NARS2: variants seen among roughly 807,000 people sequenced by gnomAD.
The protein encoded by NARS2 is asparaginyl-tRNA synthetase.
In NARS2, 60 loss-of-function variants were observed where a neutral mutation model predicts 62.9. The ratio of observed to expected loss-of-function variants is 0.95; its 90% CI spans 0.77 to 1.18. The LOEUF (loss-of-function observed/expected upper bound fraction) is 1.18, where lower values mean the gene tolerates loss of function less well. NARS2 is among the 50% of genes most tolerant of loss of function. The pLI, the probability that NARS2 is intolerant of heterozygous loss-of-function variation, is 0.00. For missense variants in NARS2, 619 were observed against 576.4 expected (o/e 1.07, Z -0.76); for synonymous variants, 196 against 200.0 (o/e 0.98, Z 0.17).
At chr11:78,537,048 C>T (rs1328605970) in intron 5 of NARS2, among the ~76,000 whole-genome samples, 1 of 152,124 alleles carries the variant, frequency 6.6e-6, no homozygotes, top group Non-Finnish European at 1.5e-5. Flanking sequence ...GAACAAGAGA[C>T]TAGACCATAC....
At chr11:78,559,954 C>T (rs1856501353) in intron 4 of NARS2, among the ~76,000 whole-genome samples, 1 of 152,212 alleles carries the variant, frequency 6.6e-6, no homozygotes, top group African/African-American at 2.4e-5. Context: ...GGTCTTCATG[C>T]TCTCTCTTTA....
chr11:78,449,531 A>G (rs1161779579), intron 11 of NARS2, among the ~76,000 whole-genome samples: 1 of 152,060 alleles, frequency 6.6e-6, no homozygotes, highest in Non-Finnish European at 1.5e-5. Context: ...TTTCCAGTGT[A>G]CCTAACTGGT....
At chr11:78,465,388 GC>G (rs2135211339) in intron 11 of NARS2, among the ~76,000 whole-genome samples, 1 of 152,376 alleles carries the variant, frequency 6.6e-6, no homozygotes, top group South Asian at 2.1e-4. Context: ...CTCAAGTGCC[GC>G]CAAAGTGGGC....
chr11:78,568,893 G>A, intron 2 of NARS2, 141 bp from the exon 3 acceptor site: 1 of 596,356 alleles, frequency 1.7e-6, no homozygotes, highest in Non-Finnish European at 2.8e-6. Flanking sequence ...CAGAATCTAT[G>A]GATAATCTGT....
chr11:78,463,643 G>A (rs997609905), intron 11 of NARS2, among the ~76,000 whole-genome samples: 2 of 130,716 alleles, frequency 1.5e-5, no homozygotes, highest in African/African-American at 5.7e-5. Context: ...CTGAGATCAC[G>A]CCATTGCACC....
chr11:78,457,797 A>AACACACACAC (rs10556136), intron 11 of NARS2, among the ~76,000 whole-genome samples: 1 of 148,434 alleles, frequency 6.7e-6, no homozygotes, highest in African/African-American at 2.5e-5. Flanking sequence ...ATTATGTAAC[A>AACACACACAC]ACACACACAC....
intron 11 of NARS2, among the ~76,000 whole-genome samples, chr11:78,448,244 G>A (rs1311926363): frequency 6.6e-6 from 1 of 151,350 alleles, no homozygotes; most frequent in Non-Finnish European, 1.5e-5. Flanking sequence ...AGAAGGGATA[G>A]GTATATTCAA....
At chr11:78,482,654 A>C (rs1032144059) in intron 7 of NARS2, among the ~76,000 whole-genome samples, 1 of 152,180 alleles carries the variant, frequency 6.6e-6, no homozygotes, top group Non-Finnish European at 1.5e-5. Context: ...GAAATGGATA[A>C]ATTCCTGGAC....
At chr11:78,569,385 G>A (rs1856842534) in intron 2 of NARS2, among the ~76,000 whole-genome samples, 1 of 152,174 alleles carries the variant, frequency 6.6e-6, no homozygotes, top group African/African-American at 2.4e-5. Flanking sequence ...GAACACCTGG[G>A]CTCAAGCAAT....
chr11:78,574,305 A>G, intron 1 of NARS2, 43 bp downstream of exon 1: 1 of 1,613,240 alleles, frequency 6.2e-7, no homozygotes, highest in Non-Finnish European at 8.5e-7. Flanking sequence ...TGCCATATAA[A>G]AGTCCCTACA....
chr11:78,549,505 G>C lies in NARS2; in HGVS notation c.594+10034C>G, dbSNP rs190194871. Reference sequence around the variant, plus strand: ...TTGTGATGAAAGGCAGATTGAAAGAGTCACTGGTGATAAAGGCTAAACTGT... The same window carrying C: ...TTGTGATGAAAGGCAGATTGAAAGACTCACTGGTGATAAAGGCTAAACTGT... On this transcript the variant is annotated intron_variant, in intron 5 of 13. Transcript: ENST00000281038. Among the ~76,000 whole-genome samples, 14 of 152,300 alleles carry C rather than the reference G, an allele frequency of 9.2e-5. No individual in the cohort carries two copies. The East Asian group carries it at 2.5e-3, about 27-fold the overall frequency.
chr11:78,561,019 T>A (rs1052335597), intron 4 of NARS2, among the ~76,000 whole-genome samples: 1 of 152,136 alleles, frequency 6.6e-6, no homozygotes, highest in Admixed American at 6.5e-5. Context: ...ATTTAACGGC[T>A]AAACATGATT....
intron 6 of NARS2, among the ~76,000 whole-genome samples, chr11:78,515,036 T>C (rs1362709329): frequency 6.6e-6 from 1 of 152,126 alleles, no homozygotes; most frequent in Non-Finnish European, 1.5e-5. Context: ...GACAAATTAC[T>C]GAAGGACAGA....
intron 13 of NARS2, among the ~76,000 whole-genome samples, chr11:78,440,585 T>A (rs542816260): frequency 6.6e-6 from 1 of 151,516 alleles, no homozygotes; most frequent in South Asian, 2.1e-4. Flanking sequence ...CAAGCTGGAG[T>A]GCAATGGCGT....
At chr11:78,454,332 A>G (rs1434801910) in intron 11 of NARS2, among the ~76,000 whole-genome samples, 3 of 152,074 alleles carry the variant, frequency 2.0e-5, no homozygotes, top group African/African-American at 4.8e-5. Flanking sequence ...CAGGTGTTGG[A>G]TCATGGGGGT....
intron 11 of NARS2, among the ~76,000 whole-genome samples, chr11:78,455,791 G>C (rs1483274693): frequency 6.6e-6 from 1 of 151,812 alleles, no homozygotes; most frequent in South Asian, 2.1e-4. Flanking sequence ...ACCTGCTAGC[G>C]GTGTGATTTT....
Position 78,574,556 on chromosome 11 carries a change from CCCT to C in NARS2, c.-71_-69del. The C allele has an allele frequency of 5.4e-6, 8 of 1,492,912 alleles. No homozygotes were observed. Among genetic ancestry groups the C allele is most frequent in the East Asian group, 4.9e-5 (2 of 40,832 alleles). The allele number at this position is 1,492,912 out of a possible 1,614,324, so 92.5% of individuals were successfully genotyped here. ...ACGGTTCGAACCCCGCCTGCAGCGG[CCCT>C]CCTTTCTCAGCTGCTCCCCTTCCGC... is the stretch of plus-strand genomic sequence containing the variant. On this transcript the variant is annotated 5_prime_UTR_variant, in exon 1 of 14. Transcript: ENST00000281038.
chr11:78,504,812 A>T (rs1041343478), intron 6 of NARS2, among the ~76,000 whole-genome samples: 1 of 152,126 alleles, frequency 6.6e-6, no homozygotes, highest in Non-Finnish European at 1.5e-5. Context: ...GTATCTATCA[A>T]CTTTAGGGTG....
intron 5 of NARS2, among the ~76,000 whole-genome samples, chr11:78,541,571 G>T (rs989968150): frequency 2.6e-5 from 4 of 152,146 alleles, no homozygotes; most frequent in Non-Finnish European, 5.9e-5. Context: ...CAAGCCAGGT[G>T]TAGTGGAGGG....
Sources: gnomAD v4.1 joint callset for allele counts (sites outside exome capture counted in the v4.1 genomes callset) on GRCh38, gnomAD v4.1.1 for gene constraint, MANE v1.5 for transcripts, NCBI Gene and HGNC (gene_info 2026-07-23, HGNC 2026-07-21) for gene names.